Variants in RALGAPA2 observed in about 807,000 individuals in gnomAD.
The protein encoded by RALGAPA2 is ral GTPase-activating protein subunit alpha-2.
RALGAPA2 carries 139 observed loss-of-function variants against 230.4 expected under a neutral mutation model. That is an observed-to-expected ratio of 0.60 (90% CI 0.53 to 0.69). The LOEUF (loss-of-function observed/expected upper bound fraction) is 0.69, where lower values mean the gene tolerates loss of function less well. Among genes scored for constraint, RALGAPA2 ranks in the 30% least tolerant of loss-of-function variants. The pLI is 0.00. For synonymous variants in RALGAPA2, 847 were observed against 837.8 expected (o/e 1.01, Z -0.19); for missense variants, 2,163 against 2,276.0 (o/e 0.95, Z 1.01).
chr20:20,392,979 CT>C lies in RALGAPA2; in HGVS notation c.*309del. ...TGGGTTCATCTCTGGTTTTTGGTGA[CT>C]TTTTCTTTTCTTCTTTGGAAGTCCA... On this transcript the variant is annotated 3_prime_UTR_variant, in exon 40 of 40. Coordinates refer to ENST00000202677, the MANE Select transcript of RALGAPA2 (RefSeq NM_020343.4). 9.6e-7 allele frequency: 1 copy of C among 1,045,226 alleles called. No homozygotes were observed. The allele number at this position is 1,045,226 out of a possible 1,614,324, so 64.7% of individuals were successfully genotyped here.
intron 37 of RALGAPA2, among the ~76,000 whole-genome samples, chr20:20,465,157 A>T (rs1186785605): frequency 7.2e-6 from 1 of 138,182 alleles, no homozygotes; most frequent in Admixed American, 7.0e-5. Flanking sequence ...CTTCACACAC[A>T]CACACACACA....
intron 36 of RALGAPA2, among the ~76,000 whole-genome samples, chr20:20,491,879 T>G (rs930859887): frequency 6.6e-6 from 1 of 151,954 alleles, no homozygotes; most frequent in African/African-American, 2.4e-5. Flanking sequence ...GCTCAAGAAG[T>G]GAACAGGCCC....
chr20:20,414,539 C>T (rs1203141557), intron 37 of RALGAPA2, among the ~76,000 whole-genome samples: 8 of 152,126 alleles, frequency 5.3e-5, no homozygotes, highest in Admixed American at 2.6e-4. Context: ...GGCAGCCCAC[C>T]GTCCCAATCC....
chr20:20,587,222 G>A (rs73292773), intron 18 of RALGAPA2, among the ~76,000 whole-genome samples: 1,523 of 152,114 alleles, frequency 0.01, 23 homozygotes, highest in African/African-American at 0.035. Flanking sequence ...CAGCAACAAA[G>A]AAAGACAAAA....
Position 20,513,706 on chromosome 20 carries a change from T to C in RALGAPA2, c.4085-422A>G, listed in dbSNP as rs74780908. 5.5e-3 allele frequency among the ~76,000 whole-genome samples: 834 copies of C among 152,188 alleles called. 11 individuals are homozygous for C. Among genetic ancestry groups the C allele is most frequent in the African/African-American group, 0.019 (798 of 41,518 alleles). On this transcript the variant is annotated intron_variant, in intron 31 of 39. Transcript: ENST00000202677. ...CCCAGAGCTATCTTGGGGAGAGACT[T>C]GGAGGTGCTGAGAGGAAAAGACACC... is the stretch of plus-strand genomic sequence containing the variant.
At chr20:20,620,696 CG>C (rs2066292413) in intron 10 of RALGAPA2, 66 bp from the exon 11 acceptor site, 1 of 1,337,400 alleles carries the variant, frequency 7.5e-7, no homozygotes, top group South Asian at 1.5e-5. Context: ...GGCAGCATCA[CG>C]GACATTCCCA....
intron 37 of RALGAPA2, among the ~76,000 whole-genome samples, chr20:20,413,499 G>A (rs1252887164): frequency 1.3e-5 from 2 of 152,138 alleles, no homozygotes; most frequent in East Asian, 1.9e-4. Context: ...CAAGCCACAC[G>A]TGGATATCTC....
intron 39 of RALGAPA2, among the ~76,000 whole-genome samples, chr20:20,395,929 GGCATT>G (rs1569356533): frequency 6.6e-6 from 1 of 152,238 alleles, no homozygotes; most frequent in Non-Finnish European, 1.5e-5. Flanking sequence ...TCCTGTGAAT[GGCATT>G]GCCGTGATCC....
At chr20:20,658,242 G>A (rs780155695) in intron 3 of RALGAPA2, among the ~76,000 whole-genome samples, 9 of 152,172 alleles carry the variant, frequency 5.9e-5, no homozygotes, top group Non-Finnish European at 1.3e-4. Flanking sequence ...GTCAAAGGCT[G>A]AAACATTACC....
rs150038795 is a variant in RALGAPA2 at position 20,399,756 on chromosome 20, A to T, written c.5618-3022T>A. Reference sequence around the variant, plus strand: ...AGGAATTGGTGGGCCTTTCTATGGCATGCTTTCTCCAGCTGTACTCACTGG... The same window carrying T: ...AGGAATTGGTGGGCCTTTCTATGGCTTGCTTTCTCCAGCTGTACTCACTGG... On this transcript the variant is annotated intron_variant, in intron 38 of 39. Transcript: ENST00000202677. Among the ~76,000 whole-genome samples the T allele has an allele frequency of 2.7e-3, 409 of 152,332 alleles. 1 individual carries two copies. The highest frequency in any genetic ancestry group is 9.4e-3 in the African/African-American group (389 of 41,566).
At position 20,572,968 on chromosome 20, in the gene RALGAPA2, C is replaced by G; in HGVS notation, c.2808G>C (p.Leu936Phe). 1 of 1,603,868 alleles carries G rather than the reference C, an allele frequency of 6.2e-7. No homozygotes were observed. The highest frequency in any genetic ancestry group is 8.5e-7 in the Non-Finnish European group (1 of 1,175,032). ...TGTTATTCACATCTCCGAGGATCCCCAAGACCCTTCGCCATAACACAGCAG... is the reference window on the plus strand; with the variant it reads ...TGTTATTCACATCTCCGAGGATCCCGAAGACCCTTCGCCATAACACAGCAG... ...DSAAVLWRRVLGILGDVNNIQ... is the reference protein window; with the variant it reads ...DSAAVLWRRVFGILGDVNNIQ... The change falls in exon 21 of 40, where the codon TTG (leucine) becomes TTC (phenylalanine). Residue 936 changes from leucine (L) to phenylalanine (F), a missense_variant. Leu to Phe is a conservative substitution (Grantham distance 22). Coordinates refer to ENST00000202677, the MANE Select transcript of RALGAPA2 (RefSeq NM_020343.4).
At chr20:20,400,819 G>C (rs2059817991) in intron 38 of RALGAPA2, among the ~76,000 whole-genome samples, 1 of 152,128 alleles carries the variant, frequency 6.6e-6, no homozygotes, top group African/African-American at 2.4e-5. Flanking sequence ...AATAAAATGT[G>C]GTCTATCCGT....
chr20:20,484,711 T>G (rs1432912348), intron 36 of RALGAPA2, among the ~76,000 whole-genome samples: 3 of 152,150 alleles, frequency 2.0e-5, no homozygotes, highest in African/African-American at 7.2e-5. Context: ...TTTTTGATTA[T>G]AAGATTAAGA....
chr20:20,521,235 A>G, intron 30 of RALGAPA2, 135 bp from the exon 31 acceptor site: 1 of 644,788 alleles, frequency 1.6e-6, no homozygotes, highest in Non-Finnish European at 2.6e-6. Context: ...CCACTCTTAA[A>G]TATCTTCTTG....
chr20:20,626,332 A>G (rs564669887), intron 10 of RALGAPA2, among the ~76,000 whole-genome samples: 6 of 152,360 alleles, frequency 3.9e-5, no homozygotes, highest in African/African-American at 1.4e-4. Context: ...ACAACACATA[A>G]TACTTAGATT....
chr20:20,444,668 T>C (rs918409088), intron 37 of RALGAPA2, among the ~76,000 whole-genome samples: 2 of 152,218 alleles, frequency 1.3e-5, no homozygotes, highest in African/African-American at 2.4e-5. Flanking sequence ...AAGTGGTTGA[T>C]TGAGCCAATT....
intron 36 of RALGAPA2, among the ~76,000 whole-genome samples, chr20:20,492,198 C>T (rs1354065048): frequency 6.6e-6 from 1 of 152,034 alleles, no homozygotes; most frequent in Non-Finnish European, 1.5e-5. Context: ...CTTTTGTGTA[C>T]TGATGAGGTT....
At chr20:20,531,933 T>C (rs1392189261) in intron 26 of RALGAPA2, 138 bp from the exon 27 acceptor site, 3 of 759,568 alleles carry the variant, frequency 3.9e-6, no homozygotes, top group African/African-American at 1.8e-5. Flanking sequence ...AATGTTTTCT[T>C]GAAAGAAAAG....
At chr20:20,690,277 C>G (rs1166458983) in intron 1 of RALGAPA2, among the ~76,000 whole-genome samples, 1 of 152,068 alleles carries the variant, frequency 6.6e-6, no homozygotes, top group African/African-American at 2.4e-5. Context: ...TACACAGCAC[C>G]CCACCAGAGT....
Sources: allele counts gnomAD v4.1 joint callset (sites outside exome capture counted in the v4.1 genomes callset), GRCh38; gene constraint gnomAD v4.1.1; transcripts MANE v1.5; gene names NCBI Gene and HGNC (gene_info 2026-07-23, HGNC 2026-07-21).